Variants in RBFOX1 observed in about 807,000 individuals in gnomAD.
RBFOX1 encodes RNA binding fox-1 homolog 1, also known as RNA binding protein fox-1 homolog 1.
RBFOX1 carries 8 observed loss-of-function variants against 57.7 expected under a neutral mutation model. The observed-to-expected ratio is 0.14, with a 90% CI of 0.08 to 0.25. The LOEUF (loss-of-function observed/expected upper bound fraction) is 0.25. Among genes scored for constraint, RBFOX1 ranks in the 10% least tolerant of loss-of-function variants. The pLI is 1.00. For synonymous variants in RBFOX1, 326 were observed against 222.4 expected (o/e 1.47, Z -4.15); for missense variants, 611 against 548.5 (o/e 1.11, Z -1.14).
At position 7,328,101 on chromosome 16, in the gene RBFOX1, C is replaced by T. The variant is rs115340784; in HGVS notation, c.28-190046C>T. Among the ~76,000 whole-genome samples the T allele has an allele frequency of 7.5e-3, 1,141 of 152,248 alleles. 19 individuals are homozygous for T. The highest frequency in any genetic ancestry group is 0.027 in the African/African-American group (1,106 of 41,536). On this transcript the variant is annotated intron_variant, in intron 4 of 15. Coordinates refer to ENST00000550418, the MANE Select transcript of RBFOX1 (RefSeq NM_018723.4). ...GTTAGTCTGGTGTCAAACTCCTGGG[C>T]TCAAGTGATCCTGCTGCCTCAGCCT... is the stretch of plus-strand genomic sequence containing the variant.
intron 3 of RBFOX1, among the ~76,000 whole-genome samples, chr16:7,035,489 C>T (rs1477899694): frequency 1.3e-5 from 2 of 152,222 alleles, no homozygotes; most frequent in African/African-American, 4.8e-5. Flanking sequence ...GGGATTATTT[C>T]AGAGCGCATT....
At chr16:7,220,940 C>T (rs78278744) in intron 4 of RBFOX1, among the ~76,000 whole-genome samples, 3,998 of 152,178 alleles carry the variant, frequency 0.026, 179 homozygotes, top group African/African-American at 0.092. Context: ...AATGCATTTG[C>T]ATTTCAAAGA....
At chr16:6,752,023 A>G (rs1019033453) in intron 3 of RBFOX1, among the ~76,000 whole-genome samples, 2 of 152,144 alleles carry the variant, frequency 1.3e-5, no homozygotes, top group Admixed American at 6.6e-5. Flanking sequence ...TGACTCAGTA[A>G]CAAGTTACCA....
chr16:6,215,381 C>T (rs1024294114), intron 1 of RBFOX1, among the ~76,000 whole-genome samples: 1 of 119,094 alleles, frequency 8.4e-6, no homozygotes, highest in Non-Finnish European at 1.7e-5. Context: ...AAGGGGAGAG[C>T]AGGAGAGACA....
downstream of RBFOX1, among the ~76,000 whole-genome samples, chr16:5,604,809 C>G (rs965285978): frequency 1.3e-5 from 2 of 152,154 alleles, no homozygotes; most frequent in Admixed American, 6.5e-5. Context: ...GGGAACCAGA[C>G]CACTTCAGTG....
intron 1 of RBFOX1, among the ~76,000 whole-genome samples, chr16:6,051,213 T>C (rs779808186): frequency 5.9e-5 from 9 of 151,824 alleles, no homozygotes; most frequent in Non-Finnish European, 1.3e-4. Context: ...GTCCCATGAA[T>C]CTTAAAAGAG....
intron 1 of RBFOX1, among the ~76,000 whole-genome samples, chr16:5,381,403 C>G (rs192009527): frequency 1.3e-5 from 2 of 152,208 alleles, no homozygotes; most frequent in Non-Finnish European, 2.9e-5. Context: ...AAAACCCTAA[C>G]AGGCACATAA....
At chr16:5,303,477 G>C (rs1479255607) in intron 1 of RBFOX1, among the ~76,000 whole-genome samples, 1 of 152,152 alleles carries the variant, frequency 6.6e-6, no homozygotes, top group Non-Finnish European at 1.5e-5. Flanking sequence ...CATCACAGCT[G>C]CTTCCCTCAG....
intron 4 of RBFOX1, among the ~76,000 whole-genome samples, chr16:7,383,794 A>T (rs922155068): frequency 6.6e-6 from 1 of 152,160 alleles, no homozygotes; most frequent in Non-Finnish European, 1.5e-5. Flanking sequence ...AGGTGGCTCA[A>T]GCCTGTAATC....
chr16:7,477,904 TA>T (rs2063077342), intron 4 of RBFOX1, among the ~76,000 whole-genome samples: 1 of 152,204 alleles, frequency 6.6e-6, no homozygotes, highest in South Asian at 2.1e-4. Flanking sequence ...AAAGACATCT[TA>T]AAGCATCTTG....
In RBFOX1 at chr16:6,155,212, C is replaced by A. The variant is rs139805625; in HGVS notation, c.-127+135220C>A. 2.0e-5 allele frequency among the ~76,000 whole-genome samples: 3 copies of A among 152,310 alleles called. No individual in the cohort carries two copies. In the East Asian group the frequency reaches 5.8e-4, roughly 29 times the overall value. The stretch of plus-strand genomic sequence containing the variant: ...CATTGACTGCTTTGGACATTACAAT[C>A]TGCCATCTCTTCCTCTGGGGCATCC... On this transcript the variant is annotated intron_variant, in intron 1 of 15. Transcript: ENST00000550418.
At chr16:5,271,367 A>G (rs1221607458) in intron 1 of RBFOX1, among the ~76,000 whole-genome samples, 1 of 123,196 alleles carries the variant, frequency 8.1e-6, no homozygotes, top group African/African-American at 2.9e-5. Flanking sequence ...TTATGCATAC[A>G]TACATACACA....
At chr16:6,738,566 A>G (rs1318931970) in intron 3 of RBFOX1, among the ~76,000 whole-genome samples, 1 of 152,214 alleles carries the variant, frequency 6.6e-6, no homozygotes, top group African/African-American at 2.4e-5. Flanking sequence ...CCATCTCGCA[A>G]CAATTTATAG....
chr16:5,398,682 C>T (rs991572817), intron 1 of RBFOX1, among the ~76,000 whole-genome samples: 1 of 151,906 alleles, frequency 6.6e-6, no homozygotes, highest in Non-Finnish European at 1.5e-5. Flanking sequence ...GCAAGGTTGA[C>T]AGTGGGGGAG....
At chr16:6,184,753 G>C (rs959201156) in intron 1 of RBFOX1, among the ~76,000 whole-genome samples, 3 of 150,704 alleles carry the variant, frequency 2.0e-5, no homozygotes, top group African/African-American at 7.3e-5. Context: ...ATTTTTAGTA[G>C]AGACGGGGTT....
chr16:6,750,259 T>G lies in RBFOX1; in HGVS notation c.-16+95609T>G, dbSNP rs577409331. On this transcript the variant is annotated intron_variant, in intron 3 of 15. Coordinates refer to ENST00000550418, the MANE Select transcript of RBFOX1 (RefSeq NM_018723.4). ...TGTTAAAGGTAAATTCATCAATAGC[T>G]GTTAAGTCATTTGTATTGAATCATT... Among the ~76,000 whole-genome samples, 5 of 152,344 alleles carry G rather than the reference T, an allele frequency of 3.3e-5. No homozygotes were observed. The South Asian group carries it at 1.0e-3, about 32-fold the overall frequency.
chr16:7,433,649 A>G (rs1041224866), intron 4 of RBFOX1, among the ~76,000 whole-genome samples: 1 of 152,226 alleles, frequency 6.6e-6, no homozygotes, highest in African/African-American at 2.4e-5. Flanking sequence ...TTACCAATTT[A>G]GTTTCTACAG....
At chr16:7,410,990 G>C (rs1044660292) in intron 4 of RBFOX1, among the ~76,000 whole-genome samples, 2 of 152,086 alleles carry the variant, frequency 1.3e-5, no homozygotes, top group Non-Finnish European at 2.9e-5. Flanking sequence ...CTGTCACCCA[G>C]GTTGGAGTAC....
chr16:5,525,742 C>G (rs901334812), intron 2 of RBFOX1, among the ~76,000 whole-genome samples: 9 of 152,060 alleles, frequency 5.9e-5, no homozygotes, highest in Non-Finnish European at 8.8e-5. Flanking sequence ...AGGTGATCCA[C>G]CCTCCTTGGC....
Sources: gnomAD v4.1 joint callset for allele counts (sites outside exome capture counted in the v4.1 genomes callset) on GRCh38, gnomAD v4.1.1 for gene constraint, MANE v1.5 for transcripts, NCBI Gene and HGNC (gene_info 2026-07-23, HGNC 2026-07-21) for gene names.